Variants in PARD3B observed in about 807,000 individuals in gnomAD.
PARD3B encodes partitioning defective 3 homolog B.
A neutral mutation model predicts 130.2 loss-of-function variants in PARD3B; 103 were observed. The ratio of observed to expected loss-of-function variants is 0.79; its 90% confidence interval spans 0.67 to 0.93. The LOEUF is 0.93. Among genes scored for constraint, PARD3B ranks in the 40% least tolerant of loss-of-function variants. The pLI is 0.00. For missense variants in PARD3B, 1,609 were observed against 1,499.2 expected, an observed-to-expected ratio of 1.07 and a Z score of -1.21; for synonymous variants, 583 against 553.2, an observed-to-expected ratio of 1.05 and a Z score of -0.76.
chr2:204,682,954 T>C (rs1574693989), intron 1 of PARD3B, among the ~76,000 whole-genome samples: 1 of 152,318 alleles, frequency 6.6e-6, no homozygotes. Context: ...TTTGGTGCTA[T>C]TAGTATTAAA....
intron 16 of PARD3B, among the ~76,000 whole-genome samples, chr2:205,289,175 G>A (rs2041510376): frequency 6.6e-6 from 1 of 152,188 alleles, no homozygotes; most frequent in Non-Finnish European, 1.5e-5. Context: ...AAGTAAAGGA[G>A]ATAGAAGATG....
intron 22 of PARD3B, among the ~76,000 whole-genome samples, chr2:205,555,722 A>G (rs1449196439): frequency 6.6e-6 from 1 of 152,248 alleles, no homozygotes; most frequent in Admixed American, 6.5e-5. Context: ...AATTAGTTGC[A>G]TGTGCAAACA....
chr2:205,429,927 T>A (rs1353183951), intron 19 of PARD3B, among the ~76,000 whole-genome samples: 1 of 152,196 alleles, frequency 6.6e-6, no homozygotes, highest in African/African-American at 2.4e-5. Context: ...TCTTAGCTTA[T>A]AGACACATGG....
rs553787506 is a variant in PARD3B, at chr2:205,116,906, A to C, written c.681-2015A>C. 5.8e-4 allele frequency among the ~76,000 whole-genome samples: 89 copies of C among 152,224 alleles called. No homozygotes were observed. Among genetic ancestry groups the C allele is most frequent in the Non-Finnish European group, 7.6e-4 (52 of 68,040 alleles). On this transcript the variant is annotated intron_variant, in intron 6 of 22. Coordinates refer to ENST00000406610, the MANE Select transcript of PARD3B (RefSeq NM_001302769.2). The surrounding 1 kb of genome is among the most constrained non-coding windows in gnomAD (Gnocchi z 4.5). ...CAGTGAGGTTCACATAGCATACTCC[A>C]GCTGTAATATGCCAGCTAAATTGCA...
rs1163390815 is a variant in PARD3B, at chr2:205,421,237, C to T, written c.2742-19133C>T. On this transcript the variant is annotated intron_variant, in intron 19 of 22. Coordinates refer to ENST00000406610, the MANE Select transcript of PARD3B (RefSeq NM_001302769.2). This position sits in a 1 kb window ranked among gnomAD's most constrained non-coding sequence, Gnocchi z 5.1. Reference sequence around the variant, plus strand: ...TTAGGAAAGAAAGGCCTAACATCATCTGTTTTAGACTCACTATTCTCCTCT... The same window carrying T: ...TTAGGAAAGAAAGGCCTAACATCATTTGTTTTAGACTCACTATTCTCCTCT... Among the ~76,000 whole-genome samples, 2 of 152,174 alleles carry T rather than the reference C, an allele frequency of 1.3e-5. No individual in the cohort carries two copies. Among genetic ancestry groups the T allele is most frequent in the African/African-American group, 4.8e-5 (2 of 41,442 alleles).
intron 15 of PARD3B, among the ~76,000 whole-genome samples, chr2:205,213,578 A>C (rs2037759351): frequency 6.6e-6 from 1 of 152,192 alleles, no homozygotes; most frequent in Non-Finnish European, 1.5e-5. Context: ...CTTTTCCTAC[A>C]TCAAAAGATT....
intron 2 of PARD3B, among the ~76,000 whole-genome samples, chr2:204,759,194 AC>A (rs2040799872): frequency 6.6e-6 from 1 of 152,198 alleles, no homozygotes; most frequent in Admixed American, 6.5e-5. Context: ...TCCTCTGAAC[AC>A]ATAAAATTAA....
intron 2 of PARD3B, among the ~76,000 whole-genome samples, chr2:204,751,107 C>T (rs956614200): frequency 6.6e-6 from 1 of 152,122 alleles, no homozygotes; most frequent in Middle Eastern, 3.4e-3. Context: ...GGTAGAAGAG[C>T]GTCATAATGA....
intron 18 of PARD3B, among the ~76,000 whole-genome samples, chr2:205,353,722 G>A (rs1035896358): frequency 3.2e-4 from 48 of 152,164 alleles, no homozygotes; most frequent in African/African-American, 1.1e-3. Flanking sequence ...AAAACCAAAT[G>A]CAGTGGTTTA....
chr2:205,378,443 A>G (rs2045159976), intron 18 of PARD3B, among the ~76,000 whole-genome samples: 1 of 152,046 alleles, frequency 6.6e-6, no homozygotes. Flanking sequence ...AGTAAGTGTC[A>G]TTTTTCTTTG....
chr2:205,004,218 A>G (rs1366000951), intron 3 of PARD3B, among the ~76,000 whole-genome samples: 1 of 152,140 alleles, frequency 6.6e-6, no homozygotes, highest in Non-Finnish European at 1.5e-5. Context: ...CTTGTCTCAT[A>G]GAGGAAACTA....
intron 15 of PARD3B, among the ~76,000 whole-genome samples, chr2:205,199,785 A>G (rs183403002): frequency 1.3e-5 from 2 of 152,064 alleles, no homozygotes; most frequent in Non-Finnish European, 2.9e-5. Flanking sequence ...AAACTAGACA[A>G]TTTACATCCC....
intron 20 of PARD3B, among the ~76,000 whole-genome samples, chr2:205,483,816 G>T (rs1212276410): frequency 6.6e-6 from 1 of 151,944 alleles, no homozygotes; most frequent in African/African-American, 2.4e-5. Flanking sequence ...ATTTTATGTA[G>T]AATTGGAAGG....
intron 2 of PARD3B, among the ~76,000 whole-genome samples, chr2:204,911,833 C>CAT (rs2047247934): frequency 6.6e-6 from 1 of 152,010 alleles, no homozygotes; most frequent in African/African-American, 2.4e-5. Context: ...CCAGTGTATG[C>CAT]ATATATGAAA....
intron 3 of PARD3B, among the ~76,000 whole-genome samples, chr2:205,046,096 T>G (rs1007407807): frequency 6.6e-6 from 1 of 152,160 alleles, no homozygotes; most frequent in Non-Finnish European, 1.5e-5. Context: ...GCATTTAGAC[T>G]GACTTGTTCA....
intron 4 of PARD3B, among the ~76,000 whole-genome samples, chr2:205,059,585 G>A (rs1206176588): frequency 1.3e-5 from 2 of 151,992 alleles, no homozygotes; most frequent in Non-Finnish European, 2.9e-5. Context: ...AATACCTCTA[G>A]CATAATTTGT....
At chr2:204,981,291 T>A (rs1692646662) in intron 3 of PARD3B, among the ~76,000 whole-genome samples, 1 of 152,180 alleles carries the variant, frequency 6.6e-6, no homozygotes, top group Non-Finnish European at 1.5e-5. Context: ...TCCCTATTCA[T>A]ATCAATCTCA....
intron 4 of PARD3B, among the ~76,000 whole-genome samples, chr2:205,058,143 A>T (rs1167869208): frequency 6.6e-6 from 1 of 151,888 alleles, no homozygotes; most frequent in Admixed American, 6.6e-5. Context: ...TAGGTGCCTT[A>T]TACAAGTAGA....
At chr2:204,819,165 A>G (rs2043245514) in intron 2 of PARD3B, among the ~76,000 whole-genome samples, 1 of 152,154 alleles carries the variant, frequency 6.6e-6, no homozygotes, top group Non-Finnish European at 1.5e-5. Context: ...TGCACATTGT[A>G]GATATTGTGT....
Sources: gnomAD v4.1 joint callset for allele counts (sites outside exome capture counted in the v4.1 genomes callset) on GRCh38, gnomAD v4.1.1 for gene constraint, Gnocchi (gnomAD v3.1) non-coding constraint, MANE v1.5 for transcripts, NCBI Gene and HGNC (gene_info 2026-07-23, HGNC 2026-07-21) for gene names.